The following POLA1 variants were observed in gnomAD, a reference collection of about 807,000 sequenced individuals.
POLA1 encodes DNA polymerase alpha catalytic subunit.
POLA1 carries 15 observed loss-of-function variants against 124.0 expected under a neutral mutation model. The observed-to-expected ratio is 0.12, with a 90% CI of 0.08 to 0.19. POLA1 has a LOEUF of 0.19. Ranked by LOEUF, POLA1 falls within the 10% of genes least tolerant of loss-of-function variation. POLA1 has a pLI of 1.00. For missense variants in POLA1, 886 were observed against 1,103.4 expected, an observed-to-expected ratio of 0.80 and a Z score of 2.79; for synonymous variants, 408 against 389.4, an observed-to-expected ratio of 1.05 and a Z score of -0.56.
At chrX:24,783,397 C>T (rs1237480943) in intron 26 of POLA1, among the ~76,000 whole-genome samples, 2 of 111,677 alleles carry the variant, frequency 1.8e-5, no homozygotes, top group Admixed American at 1.9e-4. Flanking sequence ...CCTGAATTAT[C>T]TAAATTTCAC....
intron 26 of POLA1, among the ~76,000 whole-genome samples, chrX:24,802,183 G>C (rs1046874197): frequency 9.0e-6 from 1 of 110,812 alleles, no homozygotes. Context: ...AAAGTCAACT[G>C]ATTTAAATGT....
At chrX:24,762,139 A>G (rs1384865457) in intron 26 of POLA1, among the ~76,000 whole-genome samples, 1 of 111,791 alleles carries the variant, frequency 8.9e-6, no homozygotes, top group Non-Finnish European at 1.9e-5. Flanking sequence ...AGTGGGCTTC[A>G]GTTACAAAGC....
chrX:24,934,785 C>T (rs1005723067), intron 36 of POLA1, among the ~76,000 whole-genome samples: 26 of 111,894 alleles, frequency 2.3e-4, no homozygotes, highest in East Asian at 1.1e-3. Context: ...TGCAGTGGTG[C>T]GATCTTGGCT....
intron 36 of POLA1, among the ~76,000 whole-genome samples, chrX:24,950,005 T>C (rs2048015462): frequency 8.9e-6 from 1 of 111,972 alleles, no homozygotes; most frequent in African/African-American, 3.2e-5. Flanking sequence ...GTGCTGGGAT[T>C]ACAGGTGTGA....
intron 34 of POLA1, among the ~76,000 whole-genome samples, chrX:24,844,455 A>T (rs2046449978): frequency 9.3e-6 from 1 of 107,807 alleles, no homozygotes; most frequent in African/African-American, 3.5e-5. Flanking sequence ...TCTTTTTAAA[A>T]GCTACATTGG....
At chrX:24,906,242 A>G (rs889264439) in intron 35 of POLA1, among the ~76,000 whole-genome samples, 2 of 112,507 alleles carry the variant, frequency 1.8e-5, no homozygotes, top group African/African-American at 6.5e-5. Flanking sequence ...TTGCAAAAAT[A>G]TGAAACCAAC....
At chrX:24,773,038 C>T (rs2045070439) in intron 26 of POLA1, among the ~76,000 whole-genome samples, 1 of 112,037 alleles carries the variant, frequency 8.9e-6, no homozygotes. Flanking sequence ...CCTGATAAAA[C>T]ATCGCCACAG....
At chrX:24,811,226 A>G (rs913156523) in intron 28 of POLA1, among the ~76,000 whole-genome samples, 6 of 108,578 alleles carry the variant, frequency 5.5e-5, no homozygotes, top group Non-Finnish European at 9.5e-5. Flanking sequence ...GATTACAGGC[A>G]TGAGCCACCA....
At position 24,996,317 on chromosome X, in the gene POLA1, TC is replaced by T. The variant is rs772826834; in HGVS notation, c.*374del. ...TTTGCCTCAGGGCCTTTAGCCTATG[TC>T]CCCCCCACATAAAGAGAGCTTCTCA... On this transcript the variant is annotated 3_prime_UTR_variant, in exon 37 of 37. Coordinates refer to ENST00000379068, the MANE Select transcript of POLA1 (RefSeq NM_001330360.2). 1 of 134,642 alleles carries T rather than the reference TC, an allele frequency of 7.4e-6. No homozygotes were observed. Among genetic ancestry groups the T allele is most frequent in the South Asian group, 3.3e-4 (1 of 3,073 alleles). 11.1% of individuals were successfully genotyped at this position (134,642 alleles called of 1,213,427 possible).
intron 1 of POLA1, among the ~76,000 whole-genome samples, chrX:24,696,827 A>G (rs1332935325): frequency 9.1e-6 from 1 of 109,733 alleles, no homozygotes; most frequent in Non-Finnish European, 1.9e-5. Flanking sequence ...CTCACTCTAC[A>G]CTCCCTTGTC....
intron 34 of POLA1, among the ~76,000 whole-genome samples, chrX:24,847,696 G>T (rs2046494336): frequency 8.9e-6 from 1 of 112,059 alleles, no homozygotes; most frequent in Admixed American, 9.5e-5. Flanking sequence ...GAGGACAGGG[G>T]CTGTGCTTTC....
At chrX:24,858,134 ATCT>A (rs1442877831) in intron 34 of POLA1, among the ~76,000 whole-genome samples, 2 of 112,323 alleles carry the variant, frequency 1.8e-5, no homozygotes, top group Non-Finnish European at 3.8e-5. Context: ...TAACCATTGT[ATCT>A]TCTTCGTATT....
chrX:24,971,931 GATTTTATTTTATTTTATTTTATTTT>G (rs61464840), intron 36 of POLA1, among the ~76,000 whole-genome samples: 4,599 of 86,856 alleles, frequency 0.053, 317 homozygotes, highest in African/African-American at 0.2. Context: ...GGATGTGGAA[GATTTTATTTTATTTTATTTTATTTT>G]ATTTTATTTT....
At chrX:24,843,125 AAAAC>A (rs1372120982) in intron 33 of POLA1, among the ~76,000 whole-genome samples, 2 of 111,927 alleles carry the variant, frequency 1.8e-5, no homozygotes, top group African/African-American at 6.5e-5. Context: ...TGACAAGATG[AAAAC>A]AAACTAATGT....
intron 33 of POLA1, 120 bp from the exon 34 acceptor site, chrX:24,843,426 A>T (rs1249627230): frequency 2.2e-6 from 1 of 459,717 alleles, no homozygotes; most frequent in East Asian, 4.0e-5. Flanking sequence ...TAGGGTTAAC[A>T]ACTCACCAAT....
At chrX:24,784,330 C>T (rs2045324612) in intron 26 of POLA1, among the ~76,000 whole-genome samples, 1 of 110,677 alleles carries the variant, frequency 9.0e-6, no homozygotes, top group African/African-American at 3.3e-5. Context: ...GGATTACAGG[C>T]GTGAGCCACT....
In POLA1 at chrX:24,712,942, A is replaced by G. The variant is rs1371545490; in HGVS notation, c.347-1612A>G. 3.6e-5 allele frequency among the ~76,000 whole-genome samples: 4 copies of G among 111,326 alleles called. No homozygotes were observed. In the Admixed American group the frequency reaches 3.8e-4, roughly 11 times the overall value. ...TCATTTGGTCTATTTGTATGCCACT[A>G]CCACATTCTTATTTTTTTTATTTTT... On this transcript the variant is annotated intron_variant, in intron 4 of 36. Transcript: ENST00000379068.
chrX:24,718,972 G>A (rs1219636127), intron 10 of POLA1, among the ~76,000 whole-genome samples: 1 of 112,113 alleles, frequency 8.9e-6, no homozygotes, highest in African/African-American at 3.2e-5. Flanking sequence ...CAAAAAGCCC[G>A]GAGGCTGTTC....
chrX:24,921,049 T>C (rs1223877207), intron 35 of POLA1, among the ~76,000 whole-genome samples: 1 of 112,014 alleles, frequency 8.9e-6, no homozygotes, highest in African/African-American at 3.2e-5. Flanking sequence ...CTACCCCATT[T>C]ACTGACCAGA....
Sources: allele counts gnomAD v4.1 joint callset (sites outside exome capture counted in the v4.1 genomes callset), GRCh38; gene constraint gnomAD v4.1.1; transcripts MANE v1.5; gene names NCBI Gene and HGNC (gene_info 2026-07-23, HGNC 2026-07-21).